The following SYT17 variants were observed in gnomAD, a reference collection of about 807,000 sequenced individuals.
SYT17 encodes the protein synaptotagmin 17.
A neutral mutation model predicts 46.7 loss-of-function variants in SYT17; 22 were observed. That is an observed-to-expected ratio of 0.47 (90% CI 0.34 to 0.67). The LOEUF is 0.67. SYT17 is among the 30% of genes least tolerant of loss of function. The pLI, the probability that SYT17 is intolerant of heterozygous loss-of-function variation, is 0.01. For missense variants in SYT17, 519 were observed against 612.8 expected, an observed-to-expected ratio of 0.85 and a Z score of 1.62; for synonymous variants, 251 against 248.4, an observed-to-expected ratio of 1.01 and a Z score of -0.10.
intron 7 of SYT17, among the ~76,000 whole-genome samples, chr16:19,244,723 T>TTCCA: frequency 6.6e-6 from 1 of 152,338 alleles, no homozygotes; most frequent in African/African-American, 2.4e-5. Context: ...CCCAGGCGCC[T>TTCCA]TCCATCTCAT....
rs1969430726 is a variant in SYT17, at chr16:19,267,242, G to A, written c.*166G>A. The stretch of plus-strand genomic sequence containing the variant: ...ACCCCAAATCCTCTCAGAACTGAGA[G>A]GAAGCTGACTATTGATCACAAAATG... On this transcript the variant is annotated 3_prime_UTR_variant, in exon 8 of 8. Coordinates refer to ENST00000355377, the MANE Select transcript of SYT17 (RefSeq NM_016524.4). 3.2e-6 allele frequency: 2 copies of A among 623,848 alleles called. No homozygotes were observed. Among genetic ancestry groups the A allele is most frequent in the Middle Eastern group, 4.5e-4 (1 of 2,206 alleles). 38.6% of individuals were successfully genotyped at this position (623,848 alleles called of 1,614,324 possible).
intron 7 of SYT17, among the ~76,000 whole-genome samples, chr16:19,240,448 G>C (rs540741841): frequency 1.5e-4 from 23 of 152,184 alleles, no homozygotes; most frequent in African/African-American, 5.5e-4. Context: ...GTGTCCAGCT[G>C]TCAGCAGCTG....
At chr16:19,193,316 A>G (rs1480531537) in intron 5 of SYT17, among the ~76,000 whole-genome samples, 2 of 152,350 alleles carry the variant, frequency 1.3e-5, no homozygotes, top group Admixed American at 6.5e-5. Context: ...AGGATGCAGT[A>G]TCTTACATTA....
At chr16:19,195,021 T>G (rs1965178339) in intron 5 of SYT17, among the ~76,000 whole-genome samples, 2 of 152,214 alleles carry the variant, frequency 1.3e-5, no homozygotes, top group African/African-American at 4.8e-5. Flanking sequence ...TGGTTAAAAG[T>G]TCCAGCTTCA....
chr16:19,232,657 C>A (rs1421525270), intron 7 of SYT17, among the ~76,000 whole-genome samples: 1 of 151,962 alleles, frequency 6.6e-6, no homozygotes, highest in African/African-American at 2.4e-5. Context: ...ATGGCAAAAC[C>A]CCATCTCTAC....
Position 19,252,454 on chromosome 16 carries a change from T to TATACATATATATACACATATATAC in SYT17, c.1229-14413_1229-14412insCACATATATACATACATATATATA, listed in dbSNP as rs1968200842. 1.8e-4 allele frequency among the ~76,000 whole-genome samples: 2 copies of TATACATATATATACACATATATAC among 11,384 alleles called. 1 individual carries two copies. The highest frequency in any genetic ancestry group is 2.7e-4 in the Non-Finnish European group (2 of 7,536). The allele number at this position is 11,384 out of a possible 152,430, so 7.5% of individuals were successfully genotyped here. A position where few individuals can be genotyped will look rare whatever the true frequency, so the allele number is the denominator to read the frequency against. Reference sequence around the variant, plus strand: ...ATATATATACATATATATACACATATATACATATATATATACATATATATA... The same window carrying TATACATATATATACACATATATAC: ...ATATATATACATATATATACACATATATACATATATATACACATATATACATACATATATATATACATATATATA... On this transcript the variant is annotated intron_variant, in intron 7 of 7. Coordinates refer to ENST00000355377, the MANE Select transcript of SYT17 (RefSeq NM_016524.4).
chr16:19,187,771 A>G (rs1163943778), intron 5 of SYT17, among the ~76,000 whole-genome samples: 1 of 152,212 alleles, frequency 6.6e-6, no homozygotes, highest in Non-Finnish European at 1.5e-5. Context: ...ATGCAAATCA[A>G]CACTACAATG....
At chr16:19,179,536 G>T (rs909123775) in intron 3 of SYT17, among the ~76,000 whole-genome samples, 1 of 152,024 alleles carries the variant, frequency 6.6e-6, no homozygotes, top group Non-Finnish European at 1.5e-5. Flanking sequence ...CAAAATGCTG[G>T]GATTATATGT....
Position 19,266,993 on chromosome 16 carries a change from C to T in SYT17, c.1342C>T (p.Arg448Cys), listed in dbSNP as rs1969407992. The change falls in exon 8 of 8, where the codon CGC becomes TGC. Residue 448 changes from arginine (R) to cysteine (C), a missense_variant. Arg to Cys is a radical substitution (Grantham distance 180). Coordinates refer to ENST00000355377, the MANE Select transcript of SYT17 (RefSeq NM_016524.4). The stretch of plus-strand genomic sequence containing the variant: ...CTGGAGGCGCATGCTCAACACGCAC[C>T]GCACAGCCGTGGAGCAGTGGCATAG... ...NHWRRMLNTH[R>C]TAVEQWHSLR... 8 of 1,613,632 alleles carry T rather than the reference C, an allele frequency of 5.0e-6. No individual in the cohort carries two copies. The highest frequency in any genetic ancestry group is 1.3e-5 in the African/African-American group (1 of 74,900).
At chr16:19,228,319 A>T (rs1201845013) in intron 7 of SYT17, among the ~76,000 whole-genome samples, 3 of 152,166 alleles carry the variant, frequency 2.0e-5, no homozygotes, top group African/African-American at 7.2e-5. Flanking sequence ...TGTACTCTCC[A>T]TTCACAGAAG....
chr16:19,183,892 G>T lies in SYT17; in HGVS notation c.696G>T (p.Lys232Asn), dbSNP rs1177665104. The T allele has an allele frequency of 6.2e-7, 1 of 1,614,048 alleles. No homozygotes were observed. The highest frequency in any genetic ancestry group is 8.5e-7 in the Non-Finnish European group (1 of 1,180,048). Reference sequence around the variant, plus strand: ...TGGCGCACTCCAACCCCTACGTCAAGATCTGTCTCCTGCCAGACCAGAAGA... The same window carrying T: ...TGGCGCACTCCAACCCCTACGTCAATATCTGTCTCCTGCCAGACCAGAAGA... The part of the protein sequence containing the change: ...QDMAHSNPYV[K>N]ICLLPDQKNS... The change falls in exon 5 of 8, where the codon AAG (lysine) becomes AAT (asparagine). Residue 232 changes from lysine to asparagine, a missense_variant. Coordinates refer to ENST00000355377, the MANE Select transcript of SYT17 (RefSeq NM_016524.4). This position sits in a 1 kb window ranked among gnomAD's most constrained non-coding sequence, Gnocchi z 5.6.
intron 4 of SYT17, among the ~76,000 whole-genome samples, chr16:19,181,725 C>T (rs1000224933): frequency 1.5e-4 from 23 of 150,124 alleles, no homozygotes; most frequent in African/African-American, 3.9e-4. Context: ...AAAGTCTGGG[C>T]GCGGTGGCTC....
intron 5 of SYT17, among the ~76,000 whole-genome samples, chr16:19,184,430 G>T: frequency 6.6e-6 from 1 of 150,976 alleles, no homozygotes; most frequent in Admixed American, 6.6e-5. Flanking sequence ...CTGTCACCCA[G>T]GCTGGAGCGC....
chr16:19,233,935 T>C lies in SYT17; in HGVS notation c.1228+9097T>C, dbSNP rs188605682. ...CTGTCTTTTCCCCTTCTAGCCTGAC[T>C]TAGTGAGCACCAGACTCAGCTCTGC... On this transcript the variant is annotated intron_variant, in intron 7 of 7. Transcript: ENST00000355377. Among the ~76,000 whole-genome samples the C allele has an allele frequency of 3.8e-3, 574 of 152,248 alleles. 3 individuals are homozygous for C. The highest frequency in any genetic ancestry group is 0.034 in the Middle Eastern group (10 of 294).
chr16:19,168,432 C>G lies in SYT17; in HGVS notation c.-215C>G. The G allele has an allele frequency of 1.6e-6, 1 of 626,542 alleles. No individual in the cohort carries two copies. Among genetic ancestry groups the G allele is most frequent in the Non-Finnish European group, 2.7e-6 (1 of 373,344 alleles). 38.8% of individuals were successfully genotyped at this position (626,542 alleles called of 1,614,324 possible). ...CGATATCTCCGAACCGGGGAGGCGG[C>G]CCCGATTCCGAGAGCCGGAACGCAG... On this transcript the variant is annotated 5_prime_UTR_variant, in exon 1 of 8. Transcript: ENST00000355377. The surrounding 1 kb of genome is among the most constrained non-coding windows in gnomAD (Gnocchi z 6.9).
intron 7 of SYT17, among the ~76,000 whole-genome samples, chr16:19,227,324 C>CCTTT (rs1555460411): frequency 2.2e-4 from 31 of 143,034 alleles, no homozygotes; most frequent in African/African-American, 7.9e-4. Flanking sequence ...CTTCTCCCCG[C>CCTTT]TTTTTTTTTT....
intron 5 of SYT17, among the ~76,000 whole-genome samples, chr16:19,201,280 A>G (rs937712684): frequency 6.6e-6 from 1 of 152,140 alleles, no homozygotes; most frequent in Non-Finnish European, 1.5e-5. Flanking sequence ...ACACAGCCCC[A>G]ACTCAGGCTT....
intron 5 of SYT17, among the ~76,000 whole-genome samples, chr16:19,210,680 C>T (rs961196435): frequency 6.6e-6 from 1 of 152,006 alleles, no homozygotes; most frequent in East Asian, 1.9e-4. Context: ...ACTGGCATTG[C>T]GGTTGGAGTT....
At chr16:19,211,637 T>C (rs79025510) in intron 5 of SYT17, among the ~76,000 whole-genome samples, 1 of 151,782 alleles carries the variant, frequency 6.6e-6, no homozygotes, top group Non-Finnish European at 1.5e-5. Context: ...TTTTTTTTTT[T>C]TGAGACAGAG....
Sources: gnomAD v4.1 joint callset for allele counts (sites outside exome capture counted in the v4.1 genomes callset) on GRCh38, gnomAD v4.1.1 for gene constraint, Gnocchi (gnomAD v3.1) non-coding constraint, MANE v1.5 for transcripts, NCBI Gene and HGNC (gene_info 2026-07-23, HGNC 2026-07-21) for gene names.